SPECC1: variants seen among roughly 807,000 people sequenced by gnomAD.
SPECC1 encodes the protein cytospin-B.
A neutral mutation model predicts 104.1 loss-of-function variants in SPECC1; 62 were observed. That is an observed-to-expected ratio of 0.60 (90% CI 0.49 to 0.74). The LOEUF (loss-of-function observed/expected upper bound fraction) is 0.74. Among genes scored for constraint, SPECC1 ranks in the 30% least tolerant of loss-of-function variants. SPECC1 has a pLI of 0.00. For synonymous variants in SPECC1, 513 were observed against 501.6 expected (o/e 1.02, Z -0.30); for missense variants, 1,306 against 1,310.5 (o/e 1.00, Z 0.05).
At chr17:20,081,878 C>T (rs1323758913) in intron 1 of SPECC1, among the ~76,000 whole-genome samples, 2 of 152,140 alleles carry the variant, frequency 1.3e-5, no homozygotes, top group African/African-American at 2.4e-5. Flanking sequence ...CCCCAGGAGC[C>T]CCTGGGGCCC....
chr17:20,015,422 G>A (rs992129111), intron 1 of SPECC1, among the ~76,000 whole-genome samples: 2 of 151,412 alleles, frequency 1.3e-5, no homozygotes, highest in Non-Finnish European at 2.9e-5. Context: ...TGTGCCCAGC[G>A]GAAATGCTCT....
intron 3 of SPECC1, among the ~76,000 whole-genome samples, chr17:20,118,919 C>T (rs1280538298): frequency 6.6e-6 from 1 of 152,092 alleles, no homozygotes; most frequent in Non-Finnish European, 1.5e-5. Flanking sequence ...TTGCTTATAG[C>T]ATCTGCTCCT....
chr17:20,303,611 G>A (rs906797673), intron 13 of SPECC1, among the ~76,000 whole-genome samples: 2 of 152,126 alleles, frequency 1.3e-5, no homozygotes, highest in African/African-American at 2.4e-5. Flanking sequence ...ATAAAATGAT[G>A]TATGAAATCT....
intron 7 of SPECC1, among the ~76,000 whole-genome samples, chr17:20,241,752 G>A (rs983565984): frequency 6.6e-6 from 1 of 152,136 alleles, no homozygotes; most frequent in Non-Finnish European, 1.5e-5. Flanking sequence ...AGAAGATATT[G>A]TTTGACACCT....
chr17:20,232,461 T>C, intron 7 of SPECC1, 56 bp downstream of exon 7: 1 of 1,535,314 alleles, frequency 6.5e-7, no homozygotes. Context: ...TGTATGGGGC[T>C]CCCTGGTGGG....
chr17:20,117,876 G>C (rs1370942858), intron 3 of SPECC1, among the ~76,000 whole-genome samples: 1 of 151,922 alleles, frequency 6.6e-6, no homozygotes, highest in South Asian at 2.1e-4. Flanking sequence ...AAGCTGAGGC[G>C]GGCTGATTGC....
chr17:20,227,004 C>CCTCCCAGGGAAGCACTGCT (rs145095703), intron 4 of SPECC1, among the ~76,000 whole-genome samples: 121 of 151,954 alleles, frequency 8.0e-4, no homozygotes, highest in African/African-American at 2.2e-3. Flanking sequence ...AGGGCCAGTG[C>CCTCCCAGGGAAGCACTGCT]CTCCCAGGGA....
chr17:20,227,522 T>C lies in SPECC1; in HGVS notation c.1973T>C (p.Ile658Thr). Residue 658 changes from isoleucine (I) to threonine (T), a missense_variant, in exon 5 of 15, where the codon ATC becomes ACC. By Grantham distance (89) the Ile-to-Thr change is moderately conservative (BLOSUM62 -1). Around this residue, in one of 2 missense-constraint regions of SPECC1, gnomAD observed 1,177 missense variants for 1,139.9 expected, o/e 1.03. Coordinates refer to ENST00000395527, the MANE Select transcript of SPECC1 (RefSeq NM_001243439.2). ...QEKASESDAE[I>T]KDMKETIFEL... Reference sequence around the variant, plus strand: ...AAAGCATCAGAGAGTGATGCAGAGATCAAAGACATGAAAGAAACCATATTT... The same window carrying C: ...AAAGCATCAGAGAGTGATGCAGAGACCAAAGACATGAAAGAAACCATATTT... 1.2e-6 allele frequency: 2 copies of C among 1,612,874 alleles called. No homozygotes were observed. Among genetic ancestry groups the C allele is most frequent in the Non-Finnish European group, 1.7e-6 (2 of 1,179,698 alleles).
chr17:20,249,435 A>AAT (rs1437577030), intron 9 of SPECC1, among the ~76,000 whole-genome samples: 1 of 152,262 alleles, frequency 6.6e-6, no homozygotes, highest in East Asian at 1.9e-4. Context: ...AATAAAATAA[A>AAT]ACAAAAAACC....
intron 3 of SPECC1, chr17:20,112,302 G>T (rs1186140980): frequency 1.3e-6 from 1 of 759,594 alleles, no homozygotes; most frequent in African/African-American, 1.7e-5. Flanking sequence ...TATTGTACAT[G>T]ATGGCATTAA....
At chr17:20,195,024 T>C (rs1485360201) in intron 3 of SPECC1, among the ~76,000 whole-genome samples, 1 of 152,224 alleles carries the variant, frequency 6.6e-6, no homozygotes, top group East Asian at 1.9e-4. Flanking sequence ...TAGTGTTTTA[T>C]GCAAAGTTTG....
intron 1 of SPECC1, among the ~76,000 whole-genome samples, chr17:20,025,656 A>G (rs2044570902): frequency 6.6e-6 from 1 of 152,142 alleles, no homozygotes; most frequent in South Asian, 2.1e-4. Context: ...GTTATGAATA[A>G]TGTTGCTATA....
At chr17:20,175,615 A>T (rs527520405) in intron 3 of SPECC1, among the ~76,000 whole-genome samples, 1 of 152,312 alleles carries the variant, frequency 6.6e-6, no homozygotes, top group South Asian at 2.1e-4. Flanking sequence ...TTCTGATGTG[A>T]CATTTTCCCT....
chr17:20,191,465 A>G lies in SPECC1; in HGVS notation c.284-12868A>G, dbSNP rs142374656. ...CTTTTGTGTTAATTTGAAATTGCCT[A>G]CGGATGTATGATGTGGAGCAGCTTT... On this transcript the variant is annotated intron_variant, in intron 3 of 14. Coordinates refer to ENST00000395527, the MANE Select transcript of SPECC1 (RefSeq NM_001243439.2). Among the ~76,000 whole-genome samples, 1,171 of 146,140 alleles carry G rather than the reference A, an allele frequency of 8.0e-3. 59 individuals carry two copies. Among genetic ancestry groups the G allele is most frequent in the Admixed American group, 0.072 (1,054 of 14,638 alleles).
At chr17:20,306,132 G>T (rs2041755174) in intron 14 of SPECC1, 50 bp downstream of exon 14, 2 of 1,543,450 alleles carry the variant, frequency 1.3e-6, no homozygotes, top group South Asian at 1.2e-5. Flanking sequence ...TATGAGAAAT[G>T]ACTTTATGCC....
intron 3 of SPECC1, among the ~76,000 whole-genome samples, chr17:20,126,739 T>C (rs1038564566): frequency 6.6e-6 from 1 of 152,234 alleles, no homozygotes; most frequent in African/African-American, 2.4e-5. Flanking sequence ...CATCTTGACT[T>C]GCTCTCACTT....
chr17:20,124,114 A>T (rs1400861562), intron 3 of SPECC1, among the ~76,000 whole-genome samples: 1 of 152,106 alleles, frequency 6.6e-6, no homozygotes, highest in East Asian at 1.9e-4. Flanking sequence ...GAGGAGGGCC[A>T]TGAGCCAGGG....
Position 20,316,624 on chromosome 17 carries a change from C to T in SPECC1, c.*2559C>T, listed in dbSNP as rs761745027. 2 of 184,380 alleles carry T rather than the reference C, an allele frequency of 1.1e-5. No individual in the cohort carries two copies. The highest frequency in any genetic ancestry group is 2.4e-5 in the African/African-American group (1 of 42,524). 11.4% of individuals were successfully genotyped at this position (184,380 alleles called of 1,614,324 possible). ...TGGCAAGGTGATCTGCCTGCCTCAG[C>T]CTCCCAAAGTGCTGGGATTACAGGC... On this transcript the variant is annotated 3_prime_UTR_variant, in exon 15 of 15. Coordinates refer to ENST00000395527, the MANE Select transcript of SPECC1 (RefSeq NM_001243439.2).
chr17:20,121,065 A>G (rs1258345065), intron 3 of SPECC1, among the ~76,000 whole-genome samples: 1 of 152,142 alleles, frequency 6.6e-6, no homozygotes. Context: ...TTGCTCCAAC[A>G]ATAGCAAGAA....
Sources: allele counts gnomAD v4.1 joint callset (sites outside exome capture counted in the v4.1 genomes callset), GRCh38; gene constraint gnomAD v4.1.1; regional missense constraint gnomAD v4.1.1; transcripts MANE v1.5; gene names NCBI Gene and HGNC (gene_info 2026-07-23, HGNC 2026-07-21).